CHMP4C: variants seen among roughly 807,000 people sequenced by gnomAD.
The protein encoded by CHMP4C is charged multivesicular body protein 4C.
Under a neutral mutation model 29.0 loss-of-function variants are expected in CHMP4C, and 28 were observed. The observed-to-expected ratio is 0.97, with a 90% CI of 0.72 to 1.32. CHMP4C has a LOEUF of 1.32. Among genes scored for constraint, CHMP4C ranks in the 40% most tolerant of loss-of-function variants. The pLI, the probability that CHMP4C is intolerant of heterozygous loss-of-function variation, is 0.00. For missense variants in CHMP4C, 291 were observed against 281.0 expected, an observed-to-expected ratio of 1.04 and a Z score of -0.25; for synonymous variants, 106 against 102.4, an observed-to-expected ratio of 1.04 and a Z score of -0.21.
intron 1 of CHMP4C, among the ~76,000 whole-genome samples, chr8:81,740,239 A>G (rs1808745874): frequency 6.6e-6 from 1 of 152,202 alleles, no homozygotes; most frequent in South Asian, 2.1e-4. Context: ...CCCTTTTGGC[A>G]CCAGGGACCA....
At chr8:81,747,071 T>C (rs78740005) in intron 1 of CHMP4C, among the ~76,000 whole-genome samples, 7,801 of 152,122 alleles carry the variant, frequency 0.051, 230 homozygotes, top group Middle Eastern at 0.12. Context: ...AGGTAAACAA[T>C]CCTAGAGCAT....
chr8:81,738,393 T>C (rs1808720401), intron 1 of CHMP4C, among the ~76,000 whole-genome samples: 1 of 152,194 alleles, frequency 6.6e-6, no homozygotes, highest in African/African-American at 2.4e-5. Flanking sequence ...ACAGAAGTCC[T>C]CTATTGAATA....
intron 3 of CHMP4C, among the ~76,000 whole-genome samples, chr8:81,757,244 A>G (rs1488728580): frequency 1.1e-4 from 16 of 152,188 alleles, no homozygotes. Context: ...TGAGTGCTCA[A>G]TGAATTTGTT....
intron 1 of CHMP4C, among the ~76,000 whole-genome samples, chr8:81,738,708 A>G (rs1457555873): frequency 6.6e-6 from 1 of 152,196 alleles, no homozygotes; most frequent in Non-Finnish European, 1.5e-5. Flanking sequence ...GGACTGCAAG[A>G]GCTTGATGGA....
At chr8:81,748,796 G>A (rs970802125) in intron 1 of CHMP4C, among the ~76,000 whole-genome samples, 9 of 151,892 alleles carry the variant, frequency 5.9e-5, no homozygotes, top group African/African-American at 1.5e-4. Flanking sequence ...TCATAGTGGC[G>A]CATGCCTGTA....
intron 1 of CHMP4C, among the ~76,000 whole-genome samples, chr8:81,735,311 G>C (rs765107946): frequency 2.0e-5 from 3 of 152,206 alleles, no homozygotes; most frequent in Non-Finnish European, 4.4e-5. Flanking sequence ...TGGTTAGCAT[G>C]AGGTCATCTG....
At chr8:81,756,112 T>G (rs542284496) in intron 3 of CHMP4C, among the ~76,000 whole-genome samples, 18 of 152,298 alleles carry the variant, frequency 1.2e-4, no homozygotes, top group Admixed American at 1.0e-3. Flanking sequence ...ACTTCCTGCA[T>G]CTATGTGATA....
chr8:81,753,937 A>G (rs1166191780), intron 2 of CHMP4C, among the ~76,000 whole-genome samples: 1 of 152,088 alleles, frequency 6.6e-6, no homozygotes, highest in Non-Finnish European at 1.5e-5. Flanking sequence ...CTCAATAATT[A>G]ATATTCACAA....
At chr8:81,758,392 C>A in intron 4 of CHMP4C, 88 bp from the exon 5 acceptor site, 1 of 1,554,994 alleles carries the variant, frequency 6.4e-7, no homozygotes, top group Non-Finnish European at 8.8e-7. Flanking sequence ...TCAAACTGAA[C>A]ACATTTTTAT....
chr8:81,747,542 A>G (rs1399214178), intron 1 of CHMP4C, among the ~76,000 whole-genome samples: 2 of 152,074 alleles, frequency 1.3e-5, no homozygotes, highest in Non-Finnish European at 2.9e-5. Context: ...TGTTGTACCT[A>G]TTGAAATGTA....
chr8:81,752,280 A>G (rs1808912953), intron 1 of CHMP4C, among the ~76,000 whole-genome samples: 1 of 152,168 alleles, frequency 6.6e-6, no homozygotes, highest in Admixed American at 6.6e-5. Context: ...CCCTAAATGC[A>G]TTATCAAAAC....
At chr8:81,738,523 T>G (rs369856142) in intron 1 of CHMP4C, among the ~76,000 whole-genome samples, 8 of 152,220 alleles carry the variant, frequency 5.3e-5, no homozygotes, top group African/African-American at 1.9e-4. Flanking sequence ...CTTAGTTCAG[T>G]GGGAAGAACC....
chr8:81,753,611 A>G (rs1415874435), intron 2 of CHMP4C, among the ~76,000 whole-genome samples: 1 of 152,102 alleles, frequency 6.6e-6, no homozygotes, highest in Non-Finnish European at 1.5e-5. Flanking sequence ...CTGGAGAATA[A>G]ATAAAGAGAA....
intron 1 of CHMP4C, among the ~76,000 whole-genome samples, chr8:81,742,617 C>T (rs1032285609): frequency 1.4e-4 from 21 of 152,100 alleles, no homozygotes; most frequent in Non-Finnish European, 2.5e-4. Context: ...ATACTGGGTG[C>T]GTCTTATTTG....
intron 4 of CHMP4C, 73 bp downstream of exon 4, chr8:81,758,368 A>C: frequency 6.3e-7 from 1 of 1,585,278 alleles, no homozygotes; most frequent in East Asian, 2.2e-5. Context: ...TCTTTTTAGC[A>C]CATGTTTTTG....
intron 1 of CHMP4C, among the ~76,000 whole-genome samples, chr8:81,743,851 C>A (rs1282112738): frequency 6.6e-6 from 1 of 152,074 alleles, no homozygotes; most frequent in Non-Finnish European, 1.5e-5. Context: ...TTCCTTTGCC[C>A]GTTTGCTGTC....
chr8:81,739,416 T>TGG (rs1554592433), intron 1 of CHMP4C, among the ~76,000 whole-genome samples: 2 of 16,130 alleles, frequency 1.2e-4, no homozygotes, highest in African/African-American at 8.9e-4. Context: ...CCTGGGGGAT[T>TGG]GTGGGGGGGG....
chr8:81,743,485 G>C (rs1808788097), intron 1 of CHMP4C, among the ~76,000 whole-genome samples: 1 of 151,930 alleles, frequency 6.6e-6, no homozygotes, highest in South Asian at 2.1e-4. Flanking sequence ...TATATATTCT[G>C]ACTGGTATCA....
intron 1 of CHMP4C, among the ~76,000 whole-genome samples, chr8:81,747,391 G>C (rs997068565): frequency 6.6e-6 from 1 of 151,868 alleles, no homozygotes; most frequent in East Asian, 1.9e-4. Context: ...TACCCGTTCG[G>C]TTCCAAATAT....
Sources: allele counts gnomAD v4.1 joint callset (sites outside exome capture counted in the v4.1 genomes callset), GRCh38; gene constraint gnomAD v4.1.1; transcripts MANE v1.5; gene names NCBI Gene and HGNC (gene_info 2026-07-23, HGNC 2026-07-21).